NRXN3: variants seen among roughly 807,000 people sequenced by gnomAD.
NRXN3 encodes the protein neurexin III.
In NRXN3, 32 loss-of-function variants were observed where a neutral mutation model predicts 137.6. The ratio of observed to expected loss-of-function variants is 0.23; its 90% CI spans 0.18 to 0.31. NRXN3 has a LOEUF of 0.31. Among genes scored for constraint, NRXN3 ranks in the 10% least tolerant of loss-of-function variants. The probability of loss-of-function intolerance (pLI) is 1.00; values close to 1 mark genes in which losing one functional copy is unlikely to be tolerated. For missense variants in NRXN3, 1,574 were observed against 2,062.5 expected, an observed-to-expected ratio of 0.76 and a Z score of 4.59; for synonymous variants, 798 against 784.5, an observed-to-expected ratio of 1.02 and a Z score of -0.29.
At chr14:79,650,701 A>T (rs1367846203) in intron 16 of NRXN3, among the ~76,000 whole-genome samples, 1 of 152,220 alleles carries the variant, frequency 6.6e-6, no homozygotes, top group Non-Finnish European at 1.5e-5. Flanking sequence ...AGAGGATAGG[A>T]TCAATACACA....
intron 4 of NRXN3, among the ~76,000 whole-genome samples, chr14:78,344,522 T>C (rs953000215): frequency 6.6e-6 from 1 of 152,128 alleles, no homozygotes. Flanking sequence ...CATCCTCCCT[T>C]CCTCCTGCAC....
At chr14:78,407,259 A>C (rs925624513) in intron 4 of NRXN3, among the ~76,000 whole-genome samples, 2 of 152,142 alleles carry the variant, frequency 1.3e-5, no homozygotes, top group Non-Finnish European at 2.9e-5. Flanking sequence ...AAAATACTGC[A>C]CTAGGAGGAA....
At chr14:79,191,340 T>A (rs1261088758) in intron 15 of NRXN3, among the ~76,000 whole-genome samples, 4 of 152,186 alleles carry the variant, frequency 2.6e-5, no homozygotes, top group Admixed American at 2.6e-4. Context: ...TGATGATAGA[T>A]GAAGACAATT....
intron 10 of NRXN3, among the ~76,000 whole-genome samples, chr14:78,821,693 A>AT (rs747405206): frequency 1.8e-4 from 27 of 151,926 alleles, no homozygotes; most frequent in Non-Finnish European, 3.1e-4. Flanking sequence ...AGGAAGATGG[A>AT]TAAAAAAAAA....
intron 10 of NRXN3, among the ~76,000 whole-genome samples, chr14:78,906,379 C>T (rs887450213): frequency 7.9e-5 from 12 of 152,068 alleles, no homozygotes; most frequent in African/African-American, 2.9e-4. Flanking sequence ...GTTATTTCTT[C>T]TACCCAGACT....
chr14:79,152,539 TCA>T (rs1386779654), intron 15 of NRXN3, among the ~76,000 whole-genome samples: 2 of 152,000 alleles, frequency 1.3e-5, no homozygotes, highest in African/African-American at 2.4e-5. Context: ...TTTAATTAAC[TCA>T]CAGTTCCATG....
intron 15 of NRXN3, among the ~76,000 whole-genome samples, chr14:79,255,518 C>T (rs933328246): frequency 2.6e-5 from 4 of 152,204 alleles, no homozygotes; most frequent in Non-Finnish European, 4.4e-5. Context: ...CCACAGTTTT[C>T]TTCTTTGTAA....
intron 10 of NRXN3, among the ~76,000 whole-genome samples, chr14:78,879,873 C>A (rs941381955): frequency 1.3e-5 from 2 of 152,136 alleles, no homozygotes; most frequent in African/African-American, 2.4e-5. Context: ...CCCTGCCCCC[C>A]AAATTGATTT....
At chr14:79,359,933 A>G (rs556332469) in intron 15 of NRXN3, among the ~76,000 whole-genome samples, 264 of 152,342 alleles carry the variant, frequency 1.7e-3, no homozygotes, top group Non-Finnish European at 2.3e-3. Context: ...GAACTTAATG[A>G]GAACAGATAC....
intron 16 of NRXN3, among the ~76,000 whole-genome samples, chr14:79,534,725 G>T (rs1367436585): frequency 2.6e-5 from 4 of 152,132 alleles, no homozygotes. Context: ...TGCCAAGAGT[G>T]ACTTGTTTGC....
chr14:79,774,442 G>A (rs901980166), intron 19 of NRXN3, among the ~76,000 whole-genome samples: 4 of 152,084 alleles, frequency 2.6e-5, no homozygotes, highest in African/African-American at 7.2e-5. Context: ...AGTACTTTAC[G>A]GCTTTGTGTT....
chr14:79,338,516 C>G (rs2092417021), intron 15 of NRXN3, among the ~76,000 whole-genome samples: 1 of 152,134 alleles, frequency 6.6e-6, no homozygotes, highest in Non-Finnish European at 1.5e-5. Flanking sequence ...AATGAAATCT[C>G]AGCTCTGACT....
Position 79,684,276 on chromosome 14 carries a change from T to C in NRXN3, c.3617-7897T>C, listed in dbSNP as rs184783052. On this transcript the variant is annotated intron_variant, in intron 17 of 20. Transcript: ENST00000335750. ...ATGAATGCAACGTGGAACAATTTCTTTGGGAAGCCATTCAACTAGAAACTG... is the reference window on the plus strand; with the variant it reads ...ATGAATGCAACGTGGAACAATTTCTCTGGGAAGCCATTCAACTAGAAACTG... 3.0e-3 allele frequency among the ~76,000 whole-genome samples: 456 copies of C among 152,268 alleles called. 3 individuals carry two copies. The highest frequency in any genetic ancestry group is 3.9e-3 in the Non-Finnish European group (265 of 68,012).
At chr14:78,578,766 A>G (rs2096962167) in intron 4 of NRXN3, among the ~76,000 whole-genome samples, 1 of 152,170 alleles carries the variant, frequency 6.6e-6, no homozygotes, top group Non-Finnish European at 1.5e-5. Flanking sequence ...TGCGGATCAC[A>G]GAGAGAATAG....
rs1426344121 is a variant in NRXN3, at chr14:79,862,509, C to T, written c.*545C>T. The stretch of plus-strand genomic sequence containing the variant: ...CAAACAAAAAAAAAAACCCACAACC[C>T]TTATCTGGTTCTGACCAGTGTGCGT... On this transcript the variant is annotated 3_prime_UTR_variant, in exon 21 of 21. Coordinates refer to ENST00000335750, the MANE Select transcript of NRXN3 (RefSeq NM_001330195.2). 1 of 152,022 alleles carries T rather than the reference C, an allele frequency of 6.6e-6. No individual in the cohort carries two copies. The highest frequency in any genetic ancestry group is 1.5e-5 in the Non-Finnish European group (1 of 68,028). 9.4% of individuals were successfully genotyped at this position (152,022 alleles called of 1,614,324 possible). A position where few individuals can be genotyped will look rare whatever the true frequency, so the allele number is the denominator to read the frequency against.
intron 4 of NRXN3, among the ~76,000 whole-genome samples, chr14:78,409,606 T>G (rs764412024): frequency 6.6e-6 from 1 of 152,226 alleles, no homozygotes; most frequent in African/African-American, 2.4e-5. Context: ...GCACCTGAGA[T>G]GAGGAAGGCA....
At chr14:79,574,191 T>C (rs896767546) in intron 16 of NRXN3, among the ~76,000 whole-genome samples, 2 of 151,946 alleles carry the variant, frequency 1.3e-5, no homozygotes, top group African/African-American at 2.4e-5. Context: ...AAATCTCTTA[T>C]ATTTCTTCCT....
At chr14:79,615,508 T>C (rs1218059125) in intron 16 of NRXN3, among the ~76,000 whole-genome samples, 3 of 152,146 alleles carry the variant, frequency 2.0e-5, no homozygotes, top group Non-Finnish European at 4.4e-5. Context: ...TATTAGTCCA[T>C]TTTCACATTG....
At chr14:78,403,272 A>T (rs1279407971) in intron 4 of NRXN3, among the ~76,000 whole-genome samples, 4 of 152,178 alleles carry the variant, frequency 2.6e-5, no homozygotes. Flanking sequence ...TTTCGCCCTG[A>T]CTTCTTTTCT....
Sources: gnomAD v4.1 joint callset for allele counts (sites outside exome capture counted in the v4.1 genomes callset) on GRCh38, gnomAD v4.1.1 for gene constraint, MANE v1.5 for transcripts, NCBI Gene and HGNC (gene_info 2026-07-23, HGNC 2026-07-21) for gene names.